SV2C: variants seen among roughly 807,000 people sequenced by gnomAD.
SV2C encodes the protein synaptic vesicle glycoprotein 2C, also known as solute carrier family 22 member B3.
A neutral mutation model predicts 79.7 loss-of-function variants in SV2C; 49 were observed. That is an observed-to-expected ratio of 0.61 (90% CI 0.49 to 0.78). SV2C has a LOEUF of 0.78. Among genes scored for constraint, SV2C ranks in the 30% least tolerant of loss-of-function variants. The pLI is 0.00. For synonymous variants in SV2C, 334 were observed against 333.2 expected (o/e 1.00, Z -0.03); for missense variants, 833 against 912.9 (o/e 0.91, Z 1.13).
the SV2C span, among the ~76,000 whole-genome samples, chr5:75,945,984 C>A: frequency 6.6e-6 from 1 of 151,738 alleles, no homozygotes; most frequent in Non-Finnish European, 1.5e-5. Flanking sequence ...AAAGAAAGAT[C>A]TCAAATTAAT....
At chr5:76,045,835 T>A in the SV2C span, among the ~76,000 whole-genome samples, 1 of 152,210 alleles carries the variant, frequency 6.6e-6, no homozygotes, top group Non-Finnish European at 1.5e-5. Flanking sequence ...GAAGCTGTGC[T>A]GGGGAGAGTT....
chr5:76,174,206 G>A (rs1743444614), intron 2 of SV2C: 1 of 1,609,508 alleles, frequency 6.2e-7, no homozygotes, highest in Non-Finnish European at 8.5e-7. Flanking sequence ...TCAAAACCTA[G>A]TACTCTGCGA....
the SV2C span, among the ~76,000 whole-genome samples, chr5:75,848,410 G>A: frequency 2.0e-4 from 30 of 152,140 alleles, no homozygotes; most frequent in African/African-American, 7.2e-4. Flanking sequence ...GCTCCCAAAG[G>A]CTTCCTTAGG....
chr5:76,005,486 T>C, the SV2C span, among the ~76,000 whole-genome samples: 69,832 of 152,024 alleles, frequency 0.46, 16,883 homozygotes, highest in Middle Eastern at 0.62. Flanking sequence ...CAATGTTTTC[T>C]TTTGGAGAAC....
At chr5:75,992,608 A>G in the SV2C span, among the ~76,000 whole-genome samples, 1 of 152,028 alleles carries the variant, frequency 6.6e-6, no homozygotes, top group Non-Finnish European at 1.5e-5. Flanking sequence ...TGGTCATTGC[A>G]CATCTGTCAT....
intron 1 of SV2C, among the ~76,000 whole-genome samples, chr5:76,089,518 A>T (rs936797311): frequency 6.6e-6 from 1 of 152,204 alleles, no homozygotes; most frequent in African/African-American, 2.4e-5. Flanking sequence ...TAATAGAATG[A>T]TTTATATTCC....
the SV2C span, among the ~76,000 whole-genome samples, chr5:76,030,969 C>A: frequency 1.3e-5 from 2 of 151,870 alleles, no homozygotes; most frequent in Non-Finnish European, 2.9e-5. Flanking sequence ...TTTCTGTTCT[C>A]GAAATCAACT....
At chr5:75,936,096 T>C in the SV2C span, among the ~76,000 whole-genome samples, 2 of 152,204 alleles carry the variant, frequency 1.3e-5, no homozygotes, top group Admixed American at 1.3e-4. Context: ...TTAAAAAGCA[T>C]GAGTAGAATT....
the SV2C span, among the ~76,000 whole-genome samples, chr5:75,881,106 C>A: frequency 6.6e-6 from 1 of 152,104 alleles, no homozygotes; most frequent in East Asian, 1.9e-4. Flanking sequence ...CAAGGGGATG[C>A]CGCTAAGCCA....
intron 2 of SV2C, among the ~76,000 whole-genome samples, chr5:76,133,780 A>G (rs984669984): frequency 1.3e-5 from 2 of 152,146 alleles, no homozygotes; most frequent in Non-Finnish European, 2.9e-5. Flanking sequence ...AGCACTGTAT[A>G]TCATTTTTGT....
chr5:76,216,892 G>A (rs751158006), intron 4 of SV2C, among the ~76,000 whole-genome samples: 1 of 152,196 alleles, frequency 6.6e-6, no homozygotes, highest in Non-Finnish European at 1.5e-5. Context: ...CCCAGGCTTT[G>A]GAATTGCTGC....
At chr5:76,111,355 T>C (rs73764465) in intron 1 of SV2C, among the ~76,000 whole-genome samples, 2,385 of 152,316 alleles carry the variant, frequency 0.016, 66 homozygotes, top group African/African-American at 0.054. Flanking sequence ...GATTTTCTTA[T>C]GACTAAAGCA....
intron 4 of SV2C, among the ~76,000 whole-genome samples, chr5:76,232,819 C>A (rs1204540117): frequency 7.0e-6 from 1 of 143,378 alleles, no homozygotes; most frequent in Middle Eastern, 3.2e-3. Context: ...GGTACCAGTA[C>A]CATGCTGTTT....
the SV2C span, among the ~76,000 whole-genome samples, chr5:75,969,020 T>G: frequency 1.3e-5 from 2 of 152,162 alleles, no homozygotes; most frequent in African/African-American, 4.8e-5. Flanking sequence ...GGGCCAATAT[T>G]CAACATTCTT....
At chr5:76,158,664 T>G (rs1742811419) in intron 2 of SV2C, among the ~76,000 whole-genome samples, 1 of 151,860 alleles carries the variant, frequency 6.6e-6, no homozygotes, top group African/African-American at 2.4e-5. Flanking sequence ...AATAAGAAAA[T>G]AGAAGGCATG....
chr5:76,062,134 T>A, the SV2C span, among the ~76,000 whole-genome samples: 1 of 152,034 alleles, frequency 6.6e-6, no homozygotes, highest in Non-Finnish European at 1.5e-5. Flanking sequence ...TGGTGTAATT[T>A]TTAGAGTATG....
the SV2C span, among the ~76,000 whole-genome samples, chr5:75,855,230 G>T: frequency 1.3e-5 from 2 of 151,986 alleles, no homozygotes; most frequent in African/African-American, 4.8e-5. Context: ...CACACATTTT[G>T]GTAGATTAAT....
chr5:76,315,222 A>G (rs976225276), intron 12 of SV2C, among the ~76,000 whole-genome samples: 1 of 151,522 alleles, frequency 6.6e-6, no homozygotes, highest in Non-Finnish European at 1.5e-5. Flanking sequence ...ACACACACAT[A>G]ATAGATACTA....
At chr5:75,925,436 G>A in the SV2C span, among the ~76,000 whole-genome samples, 5 of 152,232 alleles carry the variant, frequency 3.3e-5, no homozygotes, top group Admixed American at 2.0e-4. Flanking sequence ...GTAATGGAAC[G>A]GGCCAGTACC....
Sources: gnomAD v4.1 joint callset for allele counts (sites outside exome capture counted in the v4.1 genomes callset) on GRCh38, gnomAD v4.1.1 for gene constraint, MANE v1.5 for transcripts, NCBI Gene and HGNC (gene_info 2026-07-23, HGNC 2026-07-21) for gene names.